Variants in POLR1E observed in about 807,000 individuals in gnomAD.
The protein encoded by POLR1E is RNA polymerase I subunit E.
In POLR1E, 37 loss-of-function variants were observed where a neutral mutation model predicts 50.9. The ratio of observed to expected loss-of-function variants is 0.73; its 90% confidence interval spans 0.56 to 0.96. The LOEUF is 0.96. Ranked by LOEUF, POLR1E falls within the 40% of genes least tolerant of loss-of-function variation. The pLI, the probability that POLR1E is intolerant of heterozygous loss-of-function variation, is 0.00. For synonymous variants in POLR1E, 166 were observed against 191.6 expected, an observed-to-expected ratio of 0.87 and a Z score of 1.10; for missense variants, 426 against 518.1, an observed-to-expected ratio of 0.82 and a Z score of 1.73.
chr9:37,500,217 C>T (rs572775479), intron 9 of POLR1E, among the ~76,000 whole-genome samples: 1 of 151,560 alleles, frequency 6.6e-6, no homozygotes, highest in African/African-American at 2.4e-5. Flanking sequence ...TGGAGTCTCA[C>T]TCTATTGCCC....
At chr9:37,488,230 A>G (rs1820612495) in intron 3 of POLR1E, among the ~76,000 whole-genome samples, 1 of 152,234 alleles carries the variant, frequency 6.6e-6, no homozygotes, top group South Asian at 2.1e-4. Flanking sequence ...ATGTGTGACT[A>G]GTAGGTCAAA....
At chr9:37,487,971 T>G (rs965276585) in intron 3 of POLR1E, 32 bp downstream of exon 3, 4 of 1,606,784 alleles carry the variant, frequency 2.5e-6, no homozygotes, top group Admixed American at 1.7e-5. Context: ...GTGGGAAGGG[T>G]GATGGGGTTG....
chr9:37,500,432 G>A (rs1033813742), intron 9 of POLR1E, among the ~76,000 whole-genome samples: 1 of 152,184 alleles, frequency 6.6e-6, no homozygotes, highest in Admixed American at 6.5e-5. Flanking sequence ...TGTTCTGCCT[G>A]CCTCGGCCTC....
Position 37,492,636 on chromosome 9 carries a change from T to A in POLR1E, c.344-21T>A, listed in dbSNP as rs374764526. ...CTCCCAATTGACTTTTCTTTCTCTC[T>A]GTTTTTGTGTGTTTTGATAGATGTA... is the stretch of plus-strand genomic sequence containing the variant. On this transcript the variant is annotated intron_variant, in intron 4 of 11. Transcript: ENST00000377798. 26 of 1,612,524 alleles carry A rather than the reference T, an allele frequency of 1.6e-5. No homozygotes were observed. The African/African-American group carries it at 3.1e-4, about 19-fold the overall frequency.
intron 11 of POLR1E, among the ~76,000 whole-genome samples, chr9:37,502,627 C>G (rs903735544): frequency 3.9e-5 from 6 of 152,142 alleles, no homozygotes; most frequent in Non-Finnish European, 8.8e-5. Context: ...CTCTAGCAGT[C>G]CGTGGAGGGA....
intron 1 of POLR1E, 37 bp downstream of exon 1, chr9:37,486,160 C>A: frequency 6.4e-7 from 1 of 1,550,554 alleles, no homozygotes; most frequent in Non-Finnish European, 8.7e-7. Flanking sequence ...CTCCTCTAAC[C>A]CTCTCCCCTT....
At chr9:37,492,626 T>C in intron 4 of POLR1E, 31 bp from the exon 5 acceptor site, 4 of 1,608,498 alleles carry the variant, frequency 2.5e-6, no homozygotes, top group Non-Finnish European at 3.4e-6. Flanking sequence ...AATTGACTTT[T>C]CTTTCTCTCT....
intron 9 of POLR1E, among the ~76,000 whole-genome samples, 187 bp downstream of exon 9, chr9:37,498,411 T>G (rs926058246): frequency 1.3e-5 from 2 of 152,204 alleles, no homozygotes; most frequent in African/African-American, 4.8e-5. Context: ...TCTCTCTGGA[T>G]CTCCCATTTT....
At chr9:37,487,994 G>A (rs372146222) in intron 3 of POLR1E, 55 bp downstream of exon 3, 5 of 1,531,458 alleles carry the variant, frequency 3.3e-6, no homozygotes, top group Non-Finnish European at 3.6e-6. Context: ...AGTGGTGGCA[G>A]CACTGGCACT....
intron 10 of POLR1E, 143 bp downstream of exon 10, chr9:37,501,064 GC>G (rs1820879631): frequency 9.6e-6 from 7 of 732,720 alleles, no homozygotes; most frequent in Non-Finnish European, 1.5e-5. Context: ...GGCTCCTGGG[GC>G]CCCAGTAAGT....
At chr9:37,499,751 A>T (rs1334839019) in intron 9 of POLR1E, among the ~76,000 whole-genome samples, 1 of 151,366 alleles carries the variant, frequency 6.6e-6, no homozygotes, top group Non-Finnish European at 1.5e-5. Flanking sequence ...CTGGTCTCGA[A>T]CACCTGACCT....
rs747319011 is a variant in POLR1E at position 37,487,847 on chromosome 9, CCT to C, written c.181-11_181-10del. 3.7e-6 allele frequency: 6 copies of C among 1,612,872 alleles called. No homozygotes were observed. In the African/African-American group the frequency reaches 4.0e-5, roughly 11 times the overall value. On this transcript the variant is annotated splice_polypyrimidine_tract_variant and intron_variant, in intron 2 of 11. Transcript: ENST00000377798. ...AACATTGGTTGTAAATGGAGTTTCC[CCT>C]CTCTGCATTTTAGGCAGCTGAAACA...
chr9:37,503,107 G>A lies in POLR1E; in HGVS notation c.1165G>A (p.Gly389Ser), dbSNP rs200236904. 5.0e-5 allele frequency: 81 copies of A among 1,613,900 alleles called. No homozygotes were observed. The highest frequency in any genetic ancestry group is 1.7e-4 in the Middle Eastern group (1 of 6,010). Reference protein sequence around the residue: ...ISKRRVSVAAGSEEDHKLGTL... With the variant: ...ISKRRVSVAASSEEDHKLGTL... ...CAAAAGAAGGGTGTCTGTGGCCGCCGGCAGTGAAGAAGATCACAAGCTGGG... is the reference window on the plus strand; with the variant it reads ...CAAAAGAAGGGTGTCTGTGGCCGCCAGCAGTGAAGAAGATCACAAGCTGGG... The change falls in exon 12 of 12, where the codon GGC (glycine) becomes AGC (serine). Residue 389 changes from glycine (G) to serine (S), a missense_variant. Physicochemically the swap from Gly to Ser is moderately conservative, Grantham distance 56. Transcript: ENST00000377798.
At position 37,498,447 on chromosome 9, in the gene POLR1E, G is replaced by A. The variant is rs536691801; in HGVS notation, c.886+223G>A. Among the ~76,000 whole-genome samples the A allele has an allele frequency of 2.6e-5, 4 of 152,256 alleles. No individual in the cohort carries two copies. The South Asian group carries it at 8.3e-4, about 32-fold the overall frequency. On this transcript the variant is annotated intron_variant, in intron 9 of 11. Coordinates refer to ENST00000377798, the MANE Select transcript of POLR1E (RefSeq NM_022490.4). Reference sequence around the variant, plus strand: ...CTCATCTGAAAATTGGGGCCACGTTGGATTATATGATAGTTCAGGGTCCTT... The same window carrying A: ...CTCATCTGAAAATTGGGGCCACGTTAGATTATATGATAGTTCAGGGTCCTT...
chr9:37,493,777 C>G, intron 6 of POLR1E, 74 bp downstream of exon 6: 1 of 1,371,408 alleles, frequency 7.3e-7, no homozygotes, highest in Non-Finnish European at 9.6e-7. Flanking sequence ...CTTTTACCCA[C>G]CCACACATGG....
At chr9:37,487,088 C>T (rs1017763622) in intron 2 of POLR1E, among the ~76,000 whole-genome samples, 1 of 152,228 alleles carries the variant, frequency 6.6e-6, no homozygotes, top group African/African-American at 2.4e-5. Flanking sequence ...AGTTCATACT[C>T]TAGAGCAGGG....
intron 9 of POLR1E, among the ~76,000 whole-genome samples, chr9:37,498,602 T>G (rs141733262): frequency 5.9e-5 from 9 of 152,186 alleles, no homozygotes; most frequent in Admixed American, 3.9e-4. Flanking sequence ...TGTGTATATA[T>G]AGAGAGAGCT....
chr9:37,486,235 C>T, intron 1 of POLR1E, 112 bp downstream of exon 1: 7 of 1,361,256 alleles, frequency 5.1e-6, no homozygotes, highest in South Asian at 1.5e-5. Flanking sequence ...GGCCGGGACC[C>T]CTCTAGTCTC....
chr9:37,498,112 A>G lies in POLR1E; in HGVS notation c.774A>G (p.Glu258=). The change falls in exon 9 of 12, where the codon GAA becomes GAG. Residue 258 remains glutamate (E), a synonymous_variant. Coordinates refer to ENST00000377798, the MANE Select transcript of POLR1E (RefSeq NM_022490.4). ...TTAGCCATTGCACCTTTGTCATAGAAGCGTTGAAGTCTTTGCCATCAGATG... is the reference window on the plus strand; with the variant it reads ...TTAGCCATTGCACCTTTGTCATAGAGGCGTTGAAGTCTTTGCCATCAGATG... ...EENSHCTFVI[E]ALKSLPSDVE... is the part of the protein sequence containing the mutation. 6.2e-7 allele frequency: 1 copy of G among 1,613,926 alleles called. No homozygotes were observed. Among genetic ancestry groups the G allele is most frequent in the Non-Finnish European group, 8.5e-7 (1 of 1,179,940 alleles).
Sources: allele counts gnomAD v4.1 joint callset (sites outside exome capture counted in the v4.1 genomes callset), GRCh38; gene constraint gnomAD v4.1.1; transcripts MANE v1.5; gene names NCBI Gene and HGNC (gene_info 2026-07-23, HGNC 2026-07-21).